Variants in SLC1A6 observed in about 807,000 individuals in gnomAD.
The protein encoded by SLC1A6 is excitatory amino acid transporter 4.
In SLC1A6, 15 loss-of-function variants were observed where a neutral mutation model predicts 42.1. The ratio of observed to expected loss-of-function variants is 0.36; its 90% confidence interval spans 0.24 to 0.55. SLC1A6 has a LOEUF of 0.55. SLC1A6 is among the 20% of genes least tolerant of loss of function. SLC1A6 has a pLI of 0.88. For missense variants in SLC1A6, 542 were observed against 772.5 expected, an observed-to-expected ratio of 0.70 and a Z score of 3.54; for synonymous variants, 317 against 319.7, an observed-to-expected ratio of 0.99 and a Z score of 0.09.
At chr19:14,961,551 G>A (rs2045511835) in intron 6 of SLC1A6, 1 of 159,190 alleles carries the variant, frequency 6.3e-6, no homozygotes, top group African/African-American at 2.4e-5. Flanking sequence ...GAATGAATGA[G>A]TTAGTGAGTT....
chr19:14,973,072 A>G, intron 1 of SLC1A6, 155 bp from the exon 2 acceptor site: 2 of 607,952 alleles, frequency 3.3e-6, no homozygotes, highest in East Asian at 2.8e-5. Flanking sequence ...TAATCCCAGC[A>G]CTTTGGGAGG....
At chr19:14,972,323 T>C (rs2045649565) in intron 2 of SLC1A6, among the ~76,000 whole-genome samples, 1 of 152,218 alleles carries the variant, frequency 6.6e-6, no homozygotes, top group Admixed American at 6.5e-5. Context: ...CTCAAGAGAA[T>C]GCATGTAGAG....
chr19:15,000,346 G>C (rs1219344460), intron 1 of SLC1A6, among the ~76,000 whole-genome samples: 1 of 152,044 alleles, frequency 6.6e-6, no homozygotes, highest in Non-Finnish European at 1.5e-5. Flanking sequence ...CTAAAATTTT[G>C]TGTCTTCTGA....
intron 1 of SLC1A6, 116 bp from the exon 2 acceptor site, chr19:14,973,033 G>A (rs1018987482): frequency 5.2e-6 from 4 of 772,994 alleles, no homozygotes; most frequent in Admixed American, 3.0e-5. Flanking sequence ...CAGAAGGCGG[G>A]GGTGGCTGGG....
rs2045754854 is a variant in SLC1A6, at chr19:14,979,850, G to A, written c.-549C>T. The A allele has an allele frequency of 6.9e-6, 1 of 144,298 alleles. No homozygotes were observed. Among genetic ancestry groups the A allele is most frequent in the African/African-American group, 2.5e-5 (1 of 39,980 alleles). 8.9% of individuals were successfully genotyped at this position (144,298 alleles called of 1,614,324 possible). A position where few individuals can be genotyped will look rare whatever the true frequency, so the allele number is the denominator to read the frequency against. On this transcript the variant is annotated 5_prime_UTR_variant, in exon 1 of 10. Transcript: ENST00000594383. The surrounding 1 kb of genome is among the most constrained non-coding windows in gnomAD (Gnocchi z 4.2). ...GGGAGAAGGGGGACAGCGTGCTTGC[G>A]AAGGGAGGGGGACTGGGGGTGGGCG... is the stretch of plus-strand genomic sequence containing the variant.
chr19:14,993,371 C>T (rs987533783), intron 1 of SLC1A6, among the ~76,000 whole-genome samples: 9 of 151,898 alleles, frequency 5.9e-5, no homozygotes, highest in South Asian at 2.1e-4. Flanking sequence ...ATAATGCTGA[C>T]GGTAGCACAG....
chr19:14,984,773 T>C (rs1320189078), upstream of SLC1A6, among the ~76,000 whole-genome samples: 7 of 152,240 alleles, frequency 4.6e-5, no homozygotes, highest in Admixed American at 1.3e-4. Flanking sequence ...CAAAAAGTCA[T>C]GTTTGTTAAT....
At position 14,958,433 on chromosome 19, in the gene SLC1A6, T is replaced by C. The variant is rs148521208; in HGVS notation, c.936-1724A>G. Among the ~76,000 whole-genome samples the C allele has an allele frequency of 4.9e-4, 75 of 151,766 alleles. 2 individuals are homozygous for C. Among genetic ancestry groups the C allele is most frequent in the African/African-American group, 1.6e-3 (67 of 41,380 alleles). ...CTCAAAAAAAAAAAAAAATTTGAAA[T>C]CTACTTTGGCTCACATTCATCGTGG... On this transcript the variant is annotated intron_variant, in intron 6 of 9. Transcript: ENST00000594383.
chr19:14,993,695 A>G (rs2045831685), intron 1 of SLC1A6, among the ~76,000 whole-genome samples: 1 of 152,204 alleles, frequency 6.6e-6, no homozygotes, highest in African/African-American at 2.4e-5. Flanking sequence ...CATGCATTGC[A>G]AGGATGCAAT....
intron 1 of SLC1A6, among the ~76,000 whole-genome samples, chr19:15,004,539 C>CAAAAAAAAAA (rs148218390): frequency 2.5e-5 from 3 of 120,486 alleles, no homozygotes; most frequent in African/African-American, 9.7e-5. Flanking sequence ...CTCACCTCTA[C>CAAAAAAAAAA]AAAAAAAAAA....
chr19:15,006,005 G>A (rs1319204850), intron 1 of SLC1A6, among the ~76,000 whole-genome samples: 2 of 152,220 alleles, frequency 1.3e-5, no homozygotes, highest in Non-Finnish European at 2.9e-5. Flanking sequence ...AAGGTAGATG[G>A]TTGTGTGCAG....
upstream of SLC1A6, among the ~76,000 whole-genome samples, chr19:14,982,269 C>T (rs2045771997): frequency 6.6e-6 from 1 of 152,178 alleles, no homozygotes; most frequent in Admixed American, 6.6e-5. Flanking sequence ...GTGGCACACA[C>T]CTGTAATCCC....
At chr19:14,969,758 C>A (rs370738142) in intron 3 of SLC1A6, among the ~76,000 whole-genome samples, 2 of 152,226 alleles carry the variant, frequency 1.3e-5, no homozygotes, top group East Asian at 3.8e-4. Context: ...AACTGCTACT[C>A]ATGCCAAATC....
chr19:14,998,860 A>ATTTATTTG (rs967235062), intron 1 of SLC1A6, among the ~76,000 whole-genome samples: 4 of 116,908 alleles, frequency 3.4e-5, no homozygotes, highest in African/African-American at 1.2e-4. Flanking sequence ...AGAAACATTT[A>ATTTATTTG]TTTATTTATT....
chr19:15,004,323 C>T (rs1360647588), intron 1 of SLC1A6, among the ~76,000 whole-genome samples: 1 of 152,026 alleles, frequency 6.6e-6, no homozygotes, highest in East Asian at 1.9e-4. Flanking sequence ...CACACACACA[C>T]ACAGAGGCAT....
At chr19:14,977,883 G>C (rs1273395956) in intron 1 of SLC1A6, 1 of 152,180 alleles carries the variant, frequency 6.6e-6, no homozygotes, top group Non-Finnish European at 1.5e-5. Flanking sequence ...TAAGAATAGA[G>C]TAAAATGCTA....
At chr19:14,952,885 T>G in intron 9 of SLC1A6, 43 bp downstream of exon 9, 1 of 1,601,496 alleles carries the variant, frequency 6.2e-7, no homozygotes. Flanking sequence ...AAGCAGTGTG[T>G]GCAGAAGCAG....
chr19:14,973,068 C>T (rs2045663687), intron 1 of SLC1A6, 151 bp from the exon 2 acceptor site: 1 of 616,564 alleles, frequency 1.6e-6, no homozygotes, highest in Non-Finnish European at 2.8e-6. Context: ...CCTGTAATCC[C>T]AGCACTTTGG....
intron 9 of SLC1A6, among the ~76,000 whole-genome samples, chr19:14,952,421 TGGC>T (rs2045422051): frequency 6.6e-6 from 1 of 151,292 alleles, no homozygotes; most frequent in Non-Finnish European, 1.5e-5. Flanking sequence ...CCAGGCATGG[TGGC>T]GGGCGCCTGT....
Sources: gnomAD v4.1 joint callset for allele counts (sites outside exome capture counted in the v4.1 genomes callset) on GRCh38, gnomAD v4.1.1 for gene constraint, Gnocchi (gnomAD v3.1) non-coding constraint, MANE v1.5 for transcripts, NCBI Gene and HGNC (gene_info 2026-07-23, HGNC 2026-07-21) for gene names.